Variants in NAV2 observed in about 807,000 individuals in gnomAD.
The protein encoded by NAV2 is helicase, APC down-regulated 1.
In NAV2, 54 loss-of-function variants were observed where a neutral mutation model predicts 223.2. The ratio of observed to expected loss-of-function variants is 0.24; its 90% CI spans 0.19 to 0.30. The LOEUF is 0.30. Ranked by LOEUF, NAV2 falls within the 10% of genes least tolerant of loss-of-function variation. The pLI, the probability that NAV2 is intolerant of heterozygous loss-of-function variation, is 1.00. For missense variants in NAV2, 2,806 were observed against 3,147.5 expected (o/e 0.89, Z 2.60); for synonymous variants, 1,279 against 1,239.3 (o/e 1.03, Z -0.67).
At chr11:19,540,242 C>T (rs2044303580) in intron 1 of NAV2, among the ~76,000 whole-genome samples, 1 of 152,168 alleles carries the variant, frequency 6.6e-6, no homozygotes, top group African/African-American at 2.4e-5. Flanking sequence ...CCCACCAAGA[C>T]TGGTTGCCGT....
At chr11:19,735,465 A>G (rs2052194420) in intron 1 of NAV2, among the ~76,000 whole-genome samples, 1 of 152,222 alleles carries the variant, frequency 6.6e-6, no homozygotes, top group African/African-American at 2.4e-5. Flanking sequence ...CAGAGCACCT[A>G]CTATGTTCCA....
At chr11:19,521,952 AC>A (rs1284908180) in intron 1 of NAV2, among the ~76,000 whole-genome samples, 4 of 152,128 alleles carry the variant, frequency 2.6e-5, no homozygotes, top group African/African-American at 9.7e-5. Context: ...AGGGGCTAAA[AC>A]TGGGGTTTTA....
chr11:19,789,454 C>T (rs1164770821), intron 1 of NAV2, among the ~76,000 whole-genome samples: 3 of 152,200 alleles, frequency 2.0e-5, no homozygotes, highest in East Asian at 1.9e-4. Context: ...TATTTTCGGC[C>T]GTTATTGTTA....
At chr11:19,581,672 A>G (rs576786391) in intron 1 of NAV2, among the ~76,000 whole-genome samples, 58 of 152,296 alleles carry the variant, frequency 3.8e-4, no homozygotes, top group Non-Finnish European at 7.3e-4. Context: ...AGCTTCATCC[A>G]TGTCCCTACA....
intron 26 of NAV2, among the ~76,000 whole-genome samples, chr11:20,087,161 G>A (rs1265375826): frequency 6.6e-6 from 1 of 152,188 alleles, no homozygotes; most frequent in Non-Finnish European, 1.5e-5. Flanking sequence ...GTTGCTGGAG[G>A]GAGTAGGAAC....
chr11:19,773,648 G>A (rs906367351), intron 1 of NAV2, among the ~76,000 whole-genome samples: 2 of 152,166 alleles, frequency 1.3e-5, no homozygotes, highest in African/African-American at 4.8e-5. Context: ...GGTAGGAGGG[G>A]TTTGGTGGAT....
chr11:19,690,635 C>T (rs1019024242), intron 1 of NAV2, among the ~76,000 whole-genome samples: 8 of 152,182 alleles, frequency 5.3e-5, no homozygotes, highest in African/African-American at 9.6e-5. Flanking sequence ...GTTGGTTCCC[C>T]ACCATATGTG....
intron 11 of NAV2, among the ~76,000 whole-genome samples, chr11:20,016,984 C>T (rs1017714663): frequency 6.6e-6 from 1 of 151,768 alleles, no homozygotes; most frequent in African/African-American, 2.4e-5. Flanking sequence ...CCAGCCTAAA[C>T]AACAGAGCAA....
rs139261504 is a variant in NAV2 at position 20,079,925 on chromosome 11, G to C, written c.5180-139G>C. ...CTATTCAAGGATCTTAGAAACAGCT[G>C]TAGGGATCAGAGTTGATGTATATGT... is the stretch of plus-strand genomic sequence containing the variant. On this transcript the variant is annotated intron_variant, in intron 24 of 37. Coordinates refer to ENST00000349880, the MANE Select transcript of NAV2 (RefSeq NM_145117.5). 967 of 812,676 alleles carry C rather than the reference G, an allele frequency of 1.2e-3. 30 individuals carry two copies. The East Asian group carries it at 0.016, about 14-fold the overall frequency. The allele number at this position is 812,676 out of a possible 1,614,324, so 50.3% of individuals were successfully genotyped here. A position where few individuals can be genotyped will look rare whatever the true frequency, so the allele number is the denominator to read the frequency against.
chr11:19,698,944 T>C (rs2152279471), intron 1 of NAV2, among the ~76,000 whole-genome samples: 1 of 152,282 alleles, frequency 6.6e-6, no homozygotes, highest in East Asian at 1.9e-4. Flanking sequence ...TCCAGGACAT[T>C]ATGACTTAGC....
At chr11:19,399,222 T>C (rs537290487) in intron 1 of NAV2, among the ~76,000 whole-genome samples, 1 of 152,144 alleles carries the variant, frequency 6.6e-6, no homozygotes, top group Non-Finnish European at 1.5e-5. Flanking sequence ...GTGTCCGTGA[T>C]GAATTTTGCA....
intron 1 of NAV2, among the ~76,000 whole-genome samples, chr11:19,363,183 CA>C (rs759667768): frequency 2.6e-5 from 4 of 152,096 alleles, no homozygotes; most frequent in Non-Finnish European, 5.9e-5. Context: ...TCCCTATGTC[CA>C]TGTGTTCTTA....
At position 19,802,694 on chromosome 11, in the gene NAV2, A is replaced by G. The variant is rs113513948; in HGVS notation, c.268-29790A>G. On this transcript the variant is annotated intron_variant, in intron 1 of 37. Transcript: ENST00000349880. ...CACCATACTCCAGCCTGGGTGACAG[A>G]GTGAGACCCTGTCTCTCAAAAAAAA... Among the ~76,000 whole-genome samples the G allele has an allele frequency of 7.7e-3, 1,093 of 142,494 alleles. 13 individuals are homozygous for G. The highest frequency in any genetic ancestry group is 0.027 in the African/African-American group (1,038 of 38,418). The allele number at this position is 142,494 out of a possible 152,430, so 93.5% of individuals were successfully genotyped here. A position where few individuals can be genotyped will look rare whatever the true frequency, so the allele number is the denominator to read the frequency against.
chr11:19,712,791 C>A (rs2049963038), upstream of NAV2, among the ~76,000 whole-genome samples: 1 of 151,600 alleles, frequency 6.6e-6, no homozygotes. Flanking sequence ...CGCGCCGGGG[C>A]GGCCCCGGCT....
chr11:20,053,193 G>A (rs1047827756), intron 17 of NAV2, among the ~76,000 whole-genome samples: 1 of 130,704 alleles, frequency 7.7e-6, no homozygotes. Flanking sequence ...TCTCCGGCCT[G>A]GGCAGTAGAG....
At chr11:19,462,937 A>C (rs1852217140) in intron 1 of NAV2, among the ~76,000 whole-genome samples, 1 of 152,148 alleles carries the variant, frequency 6.6e-6, no homozygotes, top group Non-Finnish European at 1.5e-5. Context: ...AGAGTCCAAA[A>C]TTTGGCACTT....
chr11:19,760,849 A>G lies in NAV2; in HGVS notation c.267+46887A>G, dbSNP rs1004333475. Among the ~76,000 whole-genome samples the G allele has an allele frequency of 2.6e-5, 4 of 152,348 alleles. No individual in the cohort carries two copies. In the East Asian group the frequency reaches 7.7e-4, roughly 29 times the overall value. On this transcript the variant is annotated intron_variant, in intron 1 of 37. Transcript: ENST00000349880. ...TAGTAACGAATCAGCAGCACAAGCAATATTTGCTTGTGAGTTCTTCCAGTC... is the reference window on the plus strand; with the variant it reads ...TAGTAACGAATCAGCAGCACAAGCAGTATTTGCTTGTGAGTTCTTCCAGTC...
intron 1 of NAV2, among the ~76,000 whole-genome samples, chr11:19,597,625 C>T (rs1042583910): frequency 6.6e-5 from 10 of 152,194 alleles, no homozygotes; most frequent in Non-Finnish European, 1.3e-4. Flanking sequence ...TACTGCCTGC[C>T]GTATAGGTTT....
intron 20 of NAV2, among the ~76,000 whole-genome samples, chr11:20,062,917 A>T (rs954167929): frequency 2.4e-4 from 37 of 151,852 alleles, no homozygotes; most frequent in Admixed American, 5.9e-4. Flanking sequence ...CTGGTCTCAA[A>T]CTCCTGACCT....
Sources: allele counts gnomAD v4.1 joint callset (sites outside exome capture counted in the v4.1 genomes callset), GRCh38; gene constraint gnomAD v4.1.1; transcripts MANE v1.5; gene names NCBI Gene and HGNC (gene_info 2026-07-23, HGNC 2026-07-21).